Variants in FHIT observed in about 807,000 individuals in gnomAD.
The protein encoded by FHIT is bis(5'-adenosyl)-triphosphatase.
A neutral mutation model predicts 17.9 loss-of-function variants in FHIT; 19 were observed. The observed-to-expected ratio is 1.06, with a 90% CI of 0.74 to 1.56. The LOEUF (loss-of-function observed/expected upper bound fraction) is 1.56. Among genes scored for constraint, FHIT ranks in the 40% most tolerant of loss-of-function variants. The pLI is 0.00. For missense variants in FHIT, 248 were observed against 189.2 expected (o/e 1.31, Z -1.82); for synonymous variants, 81 against 69.7 (o/e 1.16, Z -0.81).
rs143982786 is a variant in FHIT at position 60,051,755 on chromosome 3, G to A, written c.104-37603C>T. Among the ~76,000 whole-genome samples the A allele has an allele frequency of 5.5e-4, 84 of 152,262 alleles. 1 individual carries two copies. The East Asian group carries it at 0.015, about 27-fold the overall frequency. ...TCTAAGCTGCCAAGTCCCCAAGGCT[G>A]TAACAGTGTATACAGGATTCTACTT... On this transcript the variant is annotated intron_variant, in intron 5 of 9. Coordinates refer to ENST00000492590, the MANE Select transcript of FHIT (RefSeq NM_002012.4).
chr3:60,758,916 G>T (rs1274543252), intron 4 of FHIT, among the ~76,000 whole-genome samples: 1 of 152,124 alleles, frequency 6.6e-6, no homozygotes, highest in African/African-American at 2.4e-5. Flanking sequence ...AAAAGACAGA[G>T]TAGGCCTTTC....
chr3:60,408,277 G>A (rs774480348), intron 5 of FHIT, among the ~76,000 whole-genome samples: 11 of 152,078 alleles, frequency 7.2e-5, no homozygotes, highest in Non-Finnish European at 1.5e-4. Context: ...GCAAATTGAG[G>A]GTAAACTCAG....
In FHIT at chr3:60,754,074, T is replaced by C. The variant is rs114394688; in HGVS notation, c.-18+67845A>G. Reference sequence around the variant, plus strand: ...TCAATTTAACAAAAATAAATCCTTATGGTGTAGTCTTCTGAAGACCAAGGA... The same window carrying C: ...TCAATTTAACAAAAATAAATCCTTACGGTGTAGTCTTCTGAAGACCAAGGA... On this transcript the variant is annotated intron_variant, in intron 4 of 9. Coordinates refer to ENST00000492590, the MANE Select transcript of FHIT (RefSeq NM_002012.4). Among the ~76,000 whole-genome samples the C allele has an allele frequency of 3.5e-3, 533 of 152,290 alleles. 3 individuals are homozygous for C. The highest frequency in any genetic ancestry group is 0.012 in the African/African-American group (500 of 41,562).
intron 8 of FHIT, among the ~76,000 whole-genome samples, chr3:59,898,011 C>T (rs1355339957): frequency 3.3e-5 from 5 of 152,086 alleles, no homozygotes; most frequent in African/African-American, 9.7e-5. Flanking sequence ...TTGTGATCTG[C>T]CCGCCTTGGC....
chr3:60,258,143 GC>G (rs1559767685), intron 5 of FHIT, among the ~76,000 whole-genome samples: 1 of 151,428 alleles, frequency 6.6e-6, no homozygotes, highest in Non-Finnish European at 1.5e-5. Flanking sequence ...ATCAGCAGGG[GC>G]TTTTGTGAAA....
intron 3 of FHIT, among the ~76,000 whole-genome samples, chr3:60,948,104 T>A (rs543424348): frequency 6.6e-6 from 1 of 152,302 alleles, no homozygotes; most frequent in South Asian, 2.1e-4. Context: ...TTTCTCTGCA[T>A]CCTTGAGGCA....
chr3:60,669,890 T>C (rs2040471412), intron 4 of FHIT, among the ~76,000 whole-genome samples: 1 of 152,160 alleles, frequency 6.6e-6, no homozygotes, highest in Non-Finnish European at 1.5e-5. Context: ...AGGAAAACAA[T>C]GGATGCCTGA....
At chr3:60,204,894 T>C (rs951298127) in intron 5 of FHIT, among the ~76,000 whole-genome samples, 9 of 151,936 alleles carry the variant, frequency 5.9e-5, no homozygotes, top group East Asian at 5.8e-4. Context: ...ATCTATCCCA[T>C]TAAAAGTAGG....
chr3:60,210,833 G>C (rs573489015), intron 5 of FHIT, among the ~76,000 whole-genome samples: 3 of 152,050 alleles, frequency 2.0e-5, no homozygotes, highest in Non-Finnish European at 4.4e-5. Flanking sequence ...CTATGGATAA[G>C]TGTTCATCAA....
chr3:60,725,980 A>T (rs894534047), intron 4 of FHIT, among the ~76,000 whole-genome samples: 2 of 152,186 alleles, frequency 1.3e-5, no homozygotes, highest in East Asian at 1.9e-4. Flanking sequence ...AAACCGATTT[A>T]AAAAAATTGA....
intron 1 of FHIT, among the ~76,000 whole-genome samples, chr3:61,207,210 A>T (rs1409775522): frequency 6.6e-6 from 1 of 152,106 alleles, no homozygotes; most frequent in East Asian, 1.9e-4. Context: ...GTGCTGCTGG[A>T]TTCGGTTTGC....
rs1451108299 is a variant in FHIT at position 60,371,532 on chromosome 3, T to A, written c.103+165328A>T. On this transcript the variant is annotated intron_variant, in intron 5 of 9. Coordinates refer to ENST00000492590, the MANE Select transcript of FHIT (RefSeq NM_002012.4). ...GCCACTGAACCTGGCTCTCAAGTAG[T>A]CGGTTTTTAACTAAAAATATTTACA... Among the ~76,000 whole-genome samples the A allele has an allele frequency of 2.0e-5, 3 of 152,100 alleles. No individual in the cohort carries two copies. In the East Asian group the frequency reaches 5.8e-4, roughly 29 times the overall value.
chr3:60,021,701 T>C (rs1488549618), intron 5 of FHIT, among the ~76,000 whole-genome samples: 1 of 152,182 alleles, frequency 6.6e-6, no homozygotes, highest in East Asian at 1.9e-4. Flanking sequence ...TTTAACTGCA[T>C]AACCAAGGTC....
At chr3:60,747,760 T>TTGA (rs1243754078) in intron 4 of FHIT, among the ~76,000 whole-genome samples, 1 of 152,168 alleles carries the variant, frequency 6.6e-6, no homozygotes, top group Non-Finnish European at 1.5e-5. Flanking sequence ...ACCCTGTAAC[T>TTGA]TGATAATATT....
intron 4 of FHIT, among the ~76,000 whole-genome samples, chr3:60,665,453 T>C (rs2040358707): frequency 6.6e-6 from 1 of 152,054 alleles, no homozygotes; most frequent in Admixed American, 6.6e-5. Flanking sequence ...ATTTTGAGGC[T>C]CTGTTATTTG....
At chr3:60,873,603 C>T (rs193181718) in intron 3 of FHIT, among the ~76,000 whole-genome samples, 8 of 152,288 alleles carry the variant, frequency 5.3e-5, no homozygotes, top group African/African-American at 1.9e-4. Context: ...TCTGATGGTC[C>T]TGGTATATCC....
At chr3:59,908,686 T>C (rs899044237) in intron 8 of FHIT, among the ~76,000 whole-genome samples, 2 of 151,816 alleles carry the variant, frequency 1.3e-5, no homozygotes, top group African/African-American at 4.8e-5. Context: ...AGAATCTGAA[T>C]TGAGAGATTA....
chr3:60,677,107 G>C (rs1577059264), intron 4 of FHIT, among the ~76,000 whole-genome samples: 1 of 152,088 alleles, frequency 6.6e-6, no homozygotes, highest in East Asian at 1.9e-4. Flanking sequence ...CAACTCCTGG[G>C]CTCAATTGAT....
chr3:60,551,897 T>C (rs2107626516), intron 4 of FHIT, among the ~76,000 whole-genome samples: 1 of 152,104 alleles, frequency 6.6e-6, no homozygotes, highest in South Asian at 2.1e-4. Context: ...TGGTTTTCAG[T>C]ATGTGTGCAA....
Sources: gnomAD v4.1 joint callset for allele counts (sites outside exome capture counted in the v4.1 genomes callset) on GRCh38, gnomAD v4.1.1 for gene constraint, MANE v1.5 for transcripts, NCBI Gene and HGNC (gene_info 2026-07-23, HGNC 2026-07-21) for gene names.